The following SYNE2 variants were observed in gnomAD, a reference collection of about 807,000 sequenced individuals.
SYNE2 encodes spectrin repeat containing nuclear envelope protein 2.
A neutral mutation model predicts 856.3 loss-of-function variants in SYNE2; 431 were observed. The ratio of observed to expected loss-of-function variants is 0.50; its 90% confidence interval spans 0.47 to 0.55. SYNE2 has a LOEUF of 0.55. Among genes scored for constraint, SYNE2 ranks in the 20% least tolerant of loss-of-function variants. The pLI, the probability that SYNE2 is intolerant of heterozygous loss-of-function variation, is 0.00. For missense variants in SYNE2, 8,129 were observed against 8,023.2 expected (o/e 1.01, Z -0.50); for synonymous variants, 2,923 against 2,872.3 (o/e 1.02, Z -0.56).
chr14:63,803,292 G>A (rs1348284147), intron 1 of SYNE2, among the ~76,000 whole-genome samples: 6 of 152,238 alleles, frequency 3.9e-5, no homozygotes, highest in African/African-American at 1.2e-4. Context: ...GTGGTCGATG[G>A]GACTGGGCGC....
intron 6 of SYNE2, 102 bp from the exon 7 acceptor site, chr14:63,949,721 ACT>A (rs2096120577): frequency 1.5e-5 from 17 of 1,123,860 alleles, no homozygotes; most frequent in South Asian, 1.5e-4. Flanking sequence ...GTAAACTATG[ACT>A]GTCACAGGAT....
chr14:63,949,777 T>G, intron 6 of SYNE2, 48 bp from the exon 7 acceptor site: 1 of 1,609,922 alleles, frequency 6.2e-7, no homozygotes, highest in South Asian at 1.1e-5. Flanking sequence ...GGCCCAATGC[T>G]GGTAACTTAT....
At chr14:63,837,946 C>T (rs1042302395) in intron 1 of SYNE2, among the ~76,000 whole-genome samples, 4 of 122,292 alleles carry the variant, frequency 3.3e-5, no homozygotes, top group Non-Finnish European at 7.1e-5. Context: ...AAAAAAAGAG[C>T]AAAGTATCTG....
In SYNE2 at chr14:64,070,688, T is replaced by C. The variant is rs766963313; in HGVS notation, c.10475T>C (p.Leu3492Pro). The change falls in exon 52 of 116, where the codon CTC (leucine) becomes CCC (proline). Residue 3492 changes from leucine to proline, a missense_variant. Leu to Pro is a moderately conservative substitution (Grantham distance 98). Around this residue, in one of 3 missense-constraint regions of SYNE2, gnomAD observed 5,410 missense variants for 5,284.8 expected, o/e 1.02. Transcript: ENST00000555002. ...ATTTTAGATAATCTTCAGGAAGAAC[T>C]CCCTGAAATTTCCAAAACAAAAGAG... ...AIILDNLQEE[L>P]PEISKTKEAA... The C allele has an allele frequency of 5.6e-6, 9 of 1,613,968 alleles. No homozygotes were observed. The highest frequency in any genetic ancestry group is 7.6e-6 in the Non-Finnish European group (9 of 1,179,938).
chr14:64,170,515 A>C (rs895464453), intron 94 of SYNE2, 53 bp downstream of exon 94: 1 of 1,508,762 alleles, frequency 6.6e-7, no homozygotes, highest in Non-Finnish European at 9.1e-7. Flanking sequence ...ATTGTTTGCA[A>C]GATGTTCATT....
intron 75 of SYNE2, 65 bp downstream of exon 75, chr14:64,129,966 AC>A (rs1339287596): frequency 1.9e-6 from 3 of 1,613,742 alleles, no homozygotes; most frequent in Middle Eastern, 1.7e-4. Flanking sequence ...CTTTTCTTCC[AC>A]CAGCAGAGTT....
Position 64,069,236 on chromosome 14 carries a change from A to G in SYNE2, c.10432-1409A>G, listed in dbSNP as rs188121333. 8.8e-4 allele frequency among the ~76,000 whole-genome samples: 134 copies of G among 152,288 alleles called. 1 individual carries two copies. The highest frequency in any genetic ancestry group is 2.8e-3 in the African/African-American group (118 of 41,564). On this transcript the variant is annotated intron_variant, in intron 51 of 115. Coordinates refer to ENST00000555002, the MANE Select transcript of SYNE2 (RefSeq NM_182914.3). Reference sequence around the variant, plus strand: ...CCCTAGATGTACAATTCCCCCATCTATGTAACAATTTCTTTATTTGCATGC... The same window carrying G: ...CCCTAGATGTACAATTCCCCCATCTGTGTAACAATTTCTTTATTTGCATGC...
At position 64,165,337 on chromosome 14, in the gene SYNE2, G is replaced by A; in HGVS notation, c.16532G>A (p.Gly5511Asp). 1 of 1,613,704 alleles carries A rather than the reference G, an allele frequency of 6.2e-7. No homozygotes were observed. Among genetic ancestry groups the A allele is most frequent in the Non-Finnish European group, 8.5e-7 (1 of 1,179,712 alleles). The change falls in exon 90 of 116, where the codon GGT becomes GAT. Residue 5511 changes from glycine (G) to aspartate (D), a missense_variant. Around this residue, in one of 3 missense-constraint regions of SYNE2, gnomAD observed 5,410 missense variants for 5,284.8 expected, o/e 1.02. Coordinates refer to ENST00000555002, the MANE Select transcript of SYNE2 (RefSeq NM_182914.3). Reference sequence around the variant, plus strand: ...GGAGTCCGGCTGGAATCTTTAAAAGGTCTTATTATGCATGAAGAAGAGAAT... The same window carrying A: ...GGAGTCCGGCTGGAATCTTTAAAAGATCTTATTATGCATGAAGAAGAGAAT... ...DFGVRLESLK[G>D]LIMHEEENLD...
chr14:64,035,617 A>C lies in SYNE2; in HGVS notation c.7221+4260A>C, dbSNP rs567337298. On this transcript the variant is annotated intron_variant, in intron 45 of 115. Transcript: ENST00000555002. ...CTGAAAAAGACCTTAGAAATTGTCTAACGTAACCCTTTTATTTCAGGTGAG... is the reference window on the plus strand; with the variant it reads ...CTGAAAAAGACCTTAGAAATTGTCTCACGTAACCCTTTTATTTCAGGTGAG... 3.3e-5 allele frequency among the ~76,000 whole-genome samples: 5 copies of C among 150,026 alleles called. No homozygotes were observed. The East Asian group carries it at 9.9e-4, about 30-fold the overall frequency.
chr14:64,064,026 T>G (rs1481174678), intron 50 of SYNE2, among the ~76,000 whole-genome samples: 1 of 152,190 alleles, frequency 6.6e-6, no homozygotes, highest in Non-Finnish European at 1.5e-5. Context: ...GTTGGGTGAA[T>G]GTGGTCTCTT....
chr14:64,026,803 G>A, intron 42 of SYNE2, 73 bp downstream of exon 42: 1 of 1,520,984 alleles, frequency 6.6e-7, no homozygotes, highest in Non-Finnish European at 8.9e-7. Flanking sequence ...TGTTTTGTCT[G>A]CCCCCTGGGT....
At chr14:64,184,585 ACT>A (rs1487606091) in intron 96 of SYNE2, among the ~76,000 whole-genome samples, 1 of 152,010 alleles carries the variant, frequency 6.6e-6, no homozygotes, top group Admixed American at 6.6e-5. Flanking sequence ...TGACTGGGAA[ACT>A]CTGTTTGAAG....
intron 1 of SYNE2, among the ~76,000 whole-genome samples, chr14:63,835,260 G>C (rs1889810462): frequency 6.6e-6 from 1 of 151,974 alleles, no homozygotes; most frequent in Non-Finnish European, 1.5e-5. Context: ...TTTTGAGGCA[G>C]TTTCTCCCTG....
chr14:63,801,221 A>C (rs1888115490), intron 1 of SYNE2, among the ~76,000 whole-genome samples: 1 of 152,180 alleles, frequency 6.6e-6, no homozygotes, highest in Admixed American at 6.5e-5. Flanking sequence ...CTTAATGCAG[A>C]GTCAAAAGGT....
Position 64,215,352 on chromosome 14 carries a change from C to T in SYNE2, c.19400C>T (p.Ser6467Phe), listed in dbSNP as rs773806326. The change falls in exon 107 of 116, where the codon TCT (serine) becomes TTT (phenylalanine). Residue 6467 changes from serine to phenylalanine, a missense_variant and splice_region_variant. Ser to Phe is a radical substitution (Grantham distance 155, BLOSUM62 -2). Transcript: ENST00000555002. ...KMTTKTLKAS[S>F]GKSISDGHSW... is the part of the protein sequence containing the mutation. ...ACCACAAAAACTTTGAAAGCGTCTT[C>T]TGGTAGGCCCCCGCCCATGCATGTG... 1.9e-6 allele frequency: 3 copies of T among 1,614,094 alleles called. No individual in the cohort carries two copies. The highest frequency in any genetic ancestry group is 1.7e-5 in the Admixed American group (1 of 60,032).
At chr14:64,144,576 CAAAAT>C (rs908541747) in intron 83 of SYNE2, among the ~76,000 whole-genome samples, 18 of 151,982 alleles carry the variant, frequency 1.2e-4, no homozygotes, top group South Asian at 2.1e-4. Flanking sequence ...AGCAGATACT[CAAAAT>C]AAACACTGTG....
At chr14:64,135,850 C>T (rs2098083338) in intron 78 of SYNE2, among the ~76,000 whole-genome samples, 1 of 152,204 alleles carries the variant, frequency 6.6e-6, no homozygotes, top group African/African-American at 2.4e-5. Flanking sequence ...TTGTGTGAGT[C>T]TGACAGATGT....
rs545295663 is a variant in SYNE2, at chr14:63,993,373, C to T, written c.2647-462C>T. Reference sequence around the variant, plus strand: ...GCACTTCAGCCTAGGTGACAGATCGCGATCCTATCTCAAAACAAAAAACAA... The same window carrying T: ...GCACTTCAGCCTAGGTGACAGATCGTGATCCTATCTCAAAACAAAAAACAA... On this transcript the variant is annotated intron_variant, in intron 21 of 115. Coordinates refer to ENST00000555002, the MANE Select transcript of SYNE2 (RefSeq NM_182914.3). 2.6e-5 allele frequency among the ~76,000 whole-genome samples: 4 copies of T among 152,160 alleles called. 1 individual carries two copies. In the South Asian group the frequency reaches 6.2e-4, roughly 24 times the overall value.
chr14:63,967,652 A>G, intron 10 of SYNE2, 57 bp from the exon 11 acceptor site: 1 of 1,558,488 alleles, frequency 6.4e-7, no homozygotes, highest in Non-Finnish European at 8.8e-7. Flanking sequence ...ATAACAGATT[A>G]TATGATATAA....
Sources: gnomAD v4.1 joint callset for allele counts (sites outside exome capture counted in the v4.1 genomes callset) on GRCh38, gnomAD v4.1.1 for gene constraint, gnomAD v4.1.1 regional missense constraint, MANE v1.5 for transcripts, NCBI Gene and HGNC (gene_info 2026-07-23, HGNC 2026-07-21) for gene names.